CDK7: variants seen among roughly 807,000 people sequenced by gnomAD.
CDK7 encodes cyclin dependent kinase 7, also known as cyclin-dependent kinase 7.
In CDK7, 25 loss-of-function variants were observed where a neutral mutation model predicts 49.1. The ratio of observed to expected loss-of-function variants is 0.51; its 90% CI spans 0.37 to 0.71. The LOEUF is 0.71. Ranked by LOEUF, CDK7 falls within the 30% of genes least tolerant of loss-of-function variation. CDK7 has a pLI of 0.00. For missense variants in CDK7, 316 were observed against 411.7 expected (o/e 0.77, Z 2.01); for synonymous variants, 107 against 140.0 (o/e 0.76, Z 1.67).
At chr5:69,237,608 A>T (rs1170118763) in intron 2 of CDK7, among the ~76,000 whole-genome samples, 2 of 152,076 alleles carry the variant, frequency 1.3e-5, no homozygotes, top group Admixed American at 1.3e-4. Flanking sequence ...TTCCATTCAC[A>T]CTGTACCTAG....
At chr5:69,273,263 T>C (rs1359496612) in intron 10 of CDK7, among the ~76,000 whole-genome samples, 4 of 152,094 alleles carry the variant, frequency 2.6e-5, no homozygotes, top group Admixed American at 1.3e-4. Flanking sequence ...TTTACACTTA[T>C]TACACTTGCT....
intron 5 of CDK7, 114 bp from the exon 6 acceptor site, chr5:69,257,929 C>T (rs1750586202): frequency 1.5e-6 from 1 of 669,682 alleles, no homozygotes; most frequent in African/African-American, 1.9e-5. Context: ...TAGATAACCT[C>T]TTTTGAGAGT....
At chr5:69,276,443 A>G (rs1752148313) in intron 10 of CDK7, 100 bp from the exon 11 acceptor site, 8 of 1,015,970 alleles carry the variant, frequency 7.9e-6, no homozygotes, top group Admixed American at 4.6e-5. Flanking sequence ...GGGCATTCAC[A>G]TAGTATTTTT....
chr5:69,240,436 G>A (rs891164459), intron 2 of CDK7, among the ~76,000 whole-genome samples: 13 of 152,304 alleles, frequency 8.5e-5, no homozygotes, highest in Admixed American at 8.5e-4. Flanking sequence ...ACTTAAGTAC[G>A]TTGGAGTGAA....
At chr5:69,254,500 C>T (rs1177817026) in intron 3 of CDK7, 102 bp from the exon 4 acceptor site, 38 of 591,590 alleles carry the variant, frequency 6.4e-5, no homozygotes, top group East Asian at 2.9e-4. Context: ...CTAGCCTGGG[C>T]GACAGAGCGA....
At chr5:69,257,168 G>A (rs1386434137) in intron 5 of CDK7, among the ~76,000 whole-genome samples, 5 of 152,172 alleles carry the variant, frequency 3.3e-5, no homozygotes, top group African/African-American at 1.2e-4. Context: ...GGTTATGGGG[G>A]CTTTGGGGTA....
intron 2 of CDK7, among the ~76,000 whole-genome samples, chr5:69,237,770 G>C (rs1749099906): frequency 6.6e-6 from 1 of 152,086 alleles, no homozygotes; most frequent in Non-Finnish European, 1.5e-5. Flanking sequence ...GGTCAACATG[G>C]CGAAACCCCT....
At chr5:69,236,954 C>CTTTTTTTTT (rs4053029) in intron 2 of CDK7, among the ~76,000 whole-genome samples, 3 of 84,256 alleles carry the variant, frequency 3.6e-5, no homozygotes, top group Admixed American at 1.4e-4. Context: ...GCCTGGCCTT[C>CTTTTTTTTT]TTTTTTTTTT....
chr5:69,241,570 T>A (rs1007312499), intron 2 of CDK7, among the ~76,000 whole-genome samples: 3 of 152,030 alleles, frequency 2.0e-5, no homozygotes, highest in African/African-American at 7.2e-5. Flanking sequence ...GTGATCCGCC[T>A]GCCTCAGCCT....
At chr5:69,243,253 G>A (rs772100157) in intron 2 of CDK7, among the ~76,000 whole-genome samples, 5 of 152,172 alleles carry the variant, frequency 3.3e-5, no homozygotes, top group Non-Finnish European at 7.3e-5. Context: ...CTTTGACAGG[G>A]TGTCTCCCTC....
At chr5:69,258,214 T>C in intron 6 of CDK7, 61 bp downstream of exon 6, 2 of 692,842 alleles carry the variant, frequency 2.9e-6, no homozygotes, top group Non-Finnish European at 5.0e-6. Flanking sequence ...ATTTGGTACA[T>C]AGTGGTCTGA....
rs557869309 is a variant in CDK7, at chr5:69,252,406, C to T, written c.127-12C>T. ...TTTTTAATATATTTGGGTTTTTTTC[C>T]GTTTCTACCAGATCAAACTTGGACA... On this transcript the variant is annotated splice_polypyrimidine_tract_variant and intron_variant, in intron 2 of 11. Transcript: ENST00000256443. 83 of 1,522,480 alleles carry T rather than the reference C, an allele frequency of 5.5e-5. No homozygotes were observed. The highest frequency in any genetic ancestry group is 8.6e-5 in the South Asian group (7 of 81,550). 94.3% of individuals were successfully genotyped at this position (1,522,480 alleles called of 1,614,324 possible).
intron 10 of CDK7, 22 bp from the exon 11 acceptor site, chr5:69,276,521 T>C (rs1752157120): frequency 1.2e-6 from 2 of 1,610,372 alleles, no homozygotes; most frequent in Non-Finnish European, 1.7e-6. Context: ...TACCTTACTT[T>C]TGGTATCTTT....
At chr5:69,249,645 G>A (rs1333323851) in intron 2 of CDK7, among the ~76,000 whole-genome samples, 3 of 152,222 alleles carry the variant, frequency 2.0e-5, no homozygotes, top group South Asian at 2.1e-4. Flanking sequence ...TCAGGAGTTC[G>A]AGACCAGCCT....
At chr5:69,242,299 G>A (rs1320804309) in intron 2 of CDK7, among the ~76,000 whole-genome samples, 2 of 152,156 alleles carry the variant, frequency 1.3e-5, no homozygotes, top group African/African-American at 4.8e-5. Flanking sequence ...GCTAAGGAAT[G>A]GGGAATGCTG....
chr5:69,258,441 G>A (rs1247290598), intron 6 of CDK7, among the ~76,000 whole-genome samples: 2 of 147,022 alleles, frequency 1.4e-5, no homozygotes, highest in Admixed American at 6.9e-5. Context: ...GTGCAGTGGC[G>A]CGATCTCTTG....
chr5:69,237,357 G>C (rs1176689372), intron 2 of CDK7, among the ~76,000 whole-genome samples: 1 of 152,110 alleles, frequency 6.6e-6, no homozygotes, highest in Non-Finnish European at 1.5e-5. Flanking sequence ...TCCAGTCCCA[G>C]AATCACAGGA....
chr5:69,251,048 G>T (rs1373411756), intron 2 of CDK7, among the ~76,000 whole-genome samples: 1 of 151,412 alleles, frequency 6.6e-6, no homozygotes, highest in East Asian at 1.9e-4. Context: ...TCCCACTTCA[G>T]CCTTCCAAGT....
chr5:69,239,779 T>G (rs908099423), intron 2 of CDK7, among the ~76,000 whole-genome samples: 3 of 152,144 alleles, frequency 2.0e-5, no homozygotes, highest in African/African-American at 7.2e-5. Context: ...TTACAAAGAA[T>G]TCTGTACTTG....
Sources: allele counts gnomAD v4.1 joint callset (sites outside exome capture counted in the v4.1 genomes callset), GRCh38; gene constraint gnomAD v4.1.1; transcripts MANE v1.5; gene names NCBI Gene and HGNC (gene_info 2026-07-23, HGNC 2026-07-21).